Variants in PARP10 observed in about 807,000 individuals in gnomAD.
PARP10 encodes the protein protein mono-ADP-ribosyltransferase PARP10.
Under a neutral mutation model 82.4 loss-of-function variants are expected in PARP10, and 56 were observed. That is an observed-to-expected ratio of 0.68 (90% CI 0.55 to 0.85). The LOEUF (loss-of-function observed/expected upper bound fraction) is 0.85. Among genes scored for constraint, PARP10 ranks in the 40% least tolerant of loss-of-function variants. The pLI, the probability that PARP10 is intolerant of heterozygous loss-of-function variation, is 0.00. For missense variants in PARP10, 1,227 were observed against 1,379.4 expected (o/e 0.89, Z 1.75); for synonymous variants, 576 against 601.1 (o/e 0.96, Z 0.61).
Position 143,983,461 on chromosome 8 carries a change from C to A in PARP10, c.2128G>T (p.Val710Leu). Residue 710 changes from valine to leucine, a missense_variant, in exon 8 of 11, where the codon GTG (valine) becomes TTG (leucine). Coordinates refer to ENST00000313028, the MANE Select transcript of PARP10 (RefSeq NM_032789.5). ...TCCTGCTCAAAGGCCGAGTGCACCA[C>A]CAGCTGGGCCTTGCCATCAGTCCCC... is the stretch of plus-strand genomic sequence containing the variant. ...DGGTDGKAQL[V>L]VHSAFEQDVE... is the part of the protein sequence containing the mutation. 1 of 1,606,792 alleles carries A rather than the reference C, an allele frequency of 6.2e-7. No individual in the cohort carries two copies. Among genetic ancestry groups the A allele is most frequent in the South Asian group, 1.1e-5 (1 of 90,492 alleles).
rs372978210 is a variant in PARP10 at position 143,977,928 on chromosome 8, G to A, written c.2710C>T (p.Arg904Cys). 8.1e-6 allele frequency: 13 copies of A among 1,601,302 alleles called. No individual in the cohort carries two copies. The highest frequency in any genetic ancestry group is 1.7e-5 in the Admixed American group (1 of 59,944). The change falls in exon 10 of 11, where the codon CGC (arginine) becomes TGC (cysteine). Residue 904 changes from arginine to cysteine, a missense_variant. By Grantham distance (180) the Arg-to-Cys change is radical. Transcript: ENST00000313028. ...TCACCGTTGCGGCCGCAGAAGCTGC[G>A]GTTGAAGCCGTGGGCGCAGATGTCA... Reference protein sequence around the residue: ...VPDICAHGFNRSFCGRNATVY... With the variant: ...VPDICAHGFNCSFCGRNATVY...
upstream of PARP10, among the ~76,000 whole-genome samples, chr8:143,996,071 T>C (rs1424205156): frequency 6.6e-6 from 1 of 151,916 alleles, no homozygotes; most frequent in Admixed American, 6.6e-5. Flanking sequence ...TCAAGCCAAA[T>C]CCTGTAAGAA....
upstream of PARP10, chr8:143,991,880 G>A (rs142210885): frequency 9.9e-5 from 160 of 1,610,916 alleles, 1 homozygote; most frequent in African/African-American, 1.9e-3. Flanking sequence ...TTCCCCAGGT[G>A]TTCCTAGTGC....
intron 9 of PARP10, among the ~76,000 whole-genome samples, chr8:143,979,905 A>G (rs1833806022): frequency 6.7e-6 from 1 of 149,396 alleles, no homozygotes; most frequent in Non-Finnish European, 1.5e-5. Flanking sequence ...ACAGCTACTC[A>G]GGAGGCTGAG....
chr8:143,980,319 CAAAAAAAAAAAAAAAAA>C (rs564801582), intron 9 of PARP10, among the ~76,000 whole-genome samples: 3 of 16,098 alleles, frequency 1.9e-4, no homozygotes, highest in African/African-American at 2.2e-4. Context: ...GATTCCGTCT[CAAAAAAAAAAAAAAAAA>C]AAAAAAAAAA....
chr8:143,989,578 T>A (rs995084619), upstream of PARP10: 2 of 152,102 alleles, frequency 1.3e-5, no homozygotes, highest in Admixed American at 1.3e-4. This position sits in a 1 kb window ranked among gnomAD's most constrained non-coding sequence, Gnocchi z 4.3. Context: ...CCCGTAAATA[T>A]ACACCTACTA....
intron 9 of PARP10, among the ~76,000 whole-genome samples, chr8:143,978,749 G>C (rs1449038628): frequency 6.6e-6 from 1 of 152,096 alleles, no homozygotes; most frequent in Non-Finnish European, 1.5e-5. Context: ...AAGGAACTCC[G>C]AGGGAGCAGG....
chr8:143,992,864 C>T (rs782703973), upstream of PARP10: 20 of 1,608,060 alleles, frequency 1.2e-5, no homozygotes, highest in African/African-American at 4.0e-5. Flanking sequence ...TCGCTGTGCC[C>T]GCTCAGGTGG....
In PARP10 at chr8:143,984,392, A is replaced by G; in HGVS notation, c.1498T>C (p.Phe500Leu). 9 of 1,611,444 alleles carry G rather than the reference A, an allele frequency of 5.6e-6. No homozygotes were observed. Among genetic ancestry groups the G allele is most frequent in the Non-Finnish European group, 7.6e-6 (9 of 1,179,328 alleles). ...ATGCTGCCCAGCAGGCTCCGCAGAA[A>G]CTCCTCAGCCGCCTGGCAGGAAGCC... ...AQASCQAAEE[F>L]LRSLLGSISC... is the part of the protein sequence containing the mutation. The change falls in exon 6 of 11, where the codon TTT becomes CTT. Residue 500 changes from phenylalanine to leucine, a missense_variant. Phe to Leu is a conservative substitution (Grantham distance 22). Transcript: ENST00000313028.
chr8:143,983,058 C>T lies in PARP10; in HGVS notation c.2430G>A (p.Gly810=). ...PLAASGPTLA[G]QTLKGPWNNL... ...TGTTCCAGGGCCCCTTCAGCGTCTG[C>T]CCCGCCACTGATGCATGGGGAAAAG... Residue 810 remains glycine (G), a synonymous_variant, in exon 9 of 11, where the codon GGG becomes GGA. Coordinates refer to ENST00000313028, the MANE Select transcript of PARP10 (RefSeq NM_032789.5). 1 of 1,613,778 alleles carries T rather than the reference C, an allele frequency of 6.2e-7. No homozygotes were observed. The highest frequency in any genetic ancestry group is 2.2e-5 in the East Asian group (1 of 44,896).
chr8:144,000,481 G>C (rs1278043035), intron 1 of PARP10, among the ~76,000 whole-genome samples: 1 of 152,164 alleles, frequency 6.6e-6, no homozygotes, highest in Non-Finnish European at 1.5e-5. Flanking sequence ...GAACTGTAAA[G>C]AACAAATATT....
rs1834285775 is a variant in PARP10 at position 144,011,737 on chromosome 8, A to G, written c.-80+793T>C. Among the ~76,000 whole-genome samples, 1 of 152,182 alleles carries G rather than the reference A, an allele frequency of 6.6e-6. No homozygotes were observed. The highest frequency in any genetic ancestry group is 2.4e-5 in the African/African-American group (1 of 41,430). Reference sequence around the variant, plus strand: ...AGGAAAATTCAAGGAGCTGGGGAATAGAGATCCAAGTGCGGAGAAGGCAAC... The same window carrying G: ...AGGAAAATTCAAGGAGCTGGGGAATGGAGATCCAAGTGCGGAGAAGGCAAC... On this transcript the variant is annotated intron_variant, in intron 1 of 3. Transcript: ENST00000530478. This position sits in a 1 kb window ranked among gnomAD's most constrained non-coding sequence, Gnocchi z 4.5.
rs374752631 is a variant in PARP10, at chr8:143,983,353, G to A, written c.2236C>T (p.Leu746=). The change falls in exon 8 of 11, where the codon CTG becomes TTG. Residue 746 remains leucine (L), a synonymous_variant. Transcript: ENST00000313028. ...AGGCGAGCACGCAGCTCTGCAGGCAGTGTGCGGCGCCAGGGCCCCACCGTC... is the reference window on the plus strand; with the variant it reads ...AGGCGAGCACGCAGCTCTGCAGGCAATGTGCGGCGCCAGGGCCCCACCGTC... ...EETVGPWRRT[L]PAELRARLER... 1.2e-6 allele frequency: 2 copies of A among 1,608,298 alleles called. No homozygotes were observed. Among genetic ancestry groups the A allele is most frequent in the Non-Finnish European group, 1.7e-6 (2 of 1,178,912 alleles).
chr8:144,010,761 T>C (rs1834272438), intron 1 of PARP10, among the ~76,000 whole-genome samples: 2 of 152,034 alleles, frequency 1.3e-5, no homozygotes, highest in African/African-American at 4.8e-5. Flanking sequence ...GGCACACACC[T>C]GTAGTCTCAG....
rs149107466 is a variant in PARP10 at position 143,983,596 on chromosome 8, C to T, written c.1993G>A (p.Glu665Lys). ...ALQLALHRSLEPQGQVAEQEE... is the reference protein window; with the variant it reads ...ALQLALHRSLKPQGQVAEQEE... Reference sequence around the variant, plus strand: ...TGCTCAGCCACCTGACCTTGAGGCTCCAGTGACCGGTGGAGGGCCAGCTGC... The same window carrying T: ...TGCTCAGCCACCTGACCTTGAGGCTTCAGTGACCGGTGGAGGGCCAGCTGC... The change falls in exon 8 of 11, where the codon GAG becomes AAG. Residue 665 changes from glutamate to lysine, a missense_variant. Physicochemically the swap from Glu to Lys is moderately conservative, Grantham distance 56 (BLOSUM62 1). Coordinates refer to ENST00000313028, the MANE Select transcript of PARP10 (RefSeq NM_032789.5). 1.9e-6 allele frequency: 3 copies of T among 1,605,120 alleles called. No homozygotes were observed. Among genetic ancestry groups the T allele is most frequent in the East Asian group, 4.5e-5 (2 of 44,576 alleles).
At chr8:143,998,211 T>C (rs1038544741) in intron 1 of PARP10, among the ~76,000 whole-genome samples, 1 of 152,144 alleles carries the variant, frequency 6.6e-6, no homozygotes, top group South Asian at 2.1e-4. Context: ...TTCACAGCAG[T>C]TGCACTCAGG....
intron 1 of PARP10, among the ~76,000 whole-genome samples, chr8:143,996,989 G>A (rs976462416): frequency 1.3e-5 from 2 of 152,154 alleles, no homozygotes; most frequent in African/African-American, 4.8e-5. Flanking sequence ...CAGCGGGAAG[G>A]GGGAGGGGAG....
Position 143,984,757 on chromosome 8 carries a change from A to G in PARP10, c.1245T>C (p.Gly415=). ...GAGACCCCATGGTGATCTCCATGGG[A>G]CCCACCAGCCCCTCTTGCTCTGGTG... is the stretch of plus-strand genomic sequence containing the variant. ...MDSPEQEGLV[G]PMEITMGSLE... Residue 415 remains glycine, a synonymous_variant, in exon 5 of 11, where the codon GGT becomes GGC. Transcript: ENST00000313028. 1 of 1,612,836 alleles carries G rather than the reference A, an allele frequency of 6.2e-7. No homozygotes were observed. Among genetic ancestry groups the G allele is most frequent in the South Asian group, 1.1e-5 (1 of 91,020 alleles).
At chr8:143,993,045 C>A, upstream of PARP10, 1 of 568,660 alleles carries the variant, frequency 1.8e-6, no homozygotes, top group Non-Finnish European at 3.1e-6. Context: ...CCCCTTTAGT[C>A]CTCCCGCCCC....
Sources: allele counts gnomAD v4.1 joint callset (sites outside exome capture counted in the v4.1 genomes callset), GRCh38; gene constraint gnomAD v4.1.1; non-coding constraint Gnocchi (gnomAD v3.1); transcripts MANE v1.5; gene names NCBI Gene and HGNC (gene_info 2026-07-23, HGNC 2026-07-21).